Variants in ITGAL observed in about 807,000 individuals in gnomAD.
The protein encoded by ITGAL is integrin subunit alpha L.
ITGAL carries 68 observed loss-of-function variants against 138.4 expected under a neutral mutation model. That is an observed-to-expected ratio of 0.49 (90% CI 0.40 to 0.60). The LOEUF is 0.60. Among genes scored for constraint, ITGAL ranks in the 20% least tolerant of loss-of-function variants. The probability of loss-of-function intolerance (pLI) is 0.00; values close to 1 mark genes in which losing one functional copy is unlikely to be tolerated. For missense variants in ITGAL, 1,256 were observed against 1,478.6 expected (o/e 0.85, Z 2.47); for synonymous variants, 561 against 584.3 (o/e 0.96, Z 0.57).
intron 24 of ITGAL, among the ~76,000 whole-genome samples, chr16:30,513,360 C>T (rs1242178838): frequency 6.6e-6 from 1 of 152,200 alleles, no homozygotes; most frequent in Non-Finnish European, 1.5e-5. Context: ...TTGGCCAATG[C>T]TGAGCAGGTG....
At chr16:30,520,040 G>C (rs1465046964) in intron 30 of ITGAL, 73 bp downstream of exon 30, 1 of 1,154,668 alleles carries the variant, frequency 8.7e-7, no homozygotes, top group African/African-American at 1.5e-5. Flanking sequence ...GGGAGCCAGG[G>C]AGGAGAATAC....
chr16:30,494,384 T>C lies in ITGAL; in HGVS notation c.1365+21T>C. The C allele has an allele frequency of 1.3e-6, 2 of 1,582,322 alleles. No individual in the cohort carries two copies. Among genetic ancestry groups the C allele is most frequent in the Non-Finnish European group, 1.7e-6 (2 of 1,158,668 alleles). Reference sequence around the variant, plus strand: ...CCCAGGTGCGCCCAGTCCGAGGGCATCTGCAGACCAGGGACTGGCGGGACA... The same window carrying C: ...CCCAGGTGCGCCCAGTCCGAGGGCACCTGCAGACCAGGGACTGGCGGGACA... On this transcript the variant is annotated intron_variant, in intron 12 of 30. Transcript: ENST00000356798. This position sits in a 1 kb window ranked among gnomAD's most constrained non-coding sequence, Gnocchi z 4.2.
intron 15 of ITGAL, among the ~76,000 whole-genome samples, chr16:30,497,573 T>C (rs1306023937): frequency 2.0e-5 from 3 of 150,826 alleles, no homozygotes; most frequent in African/African-American, 4.9e-5. Context: ...ACCTCCTGGG[T>C]TCAAGCGATT....
Position 30,499,194 on chromosome 16 carries a change from A to C in ITGAL, c.1953A>C (p.Thr651=). Residue 651 remains threonine (T), a synonymous_variant, in exon 16 of 31, where the codon ACA becomes ACC. Transcript: ENST00000356798. ...AGATGAAAGAAGGAGTTAATATCAC[A>C]ATCTGTTTCCAGATCAAGTCTCTCA... ...SNKMKEGVNI[T]ICFQIKSLIP... 1 of 1,614,180 alleles carries C rather than the reference A, an allele frequency of 6.2e-7. No individual in the cohort carries two copies. The highest frequency in any genetic ancestry group is 8.5e-7 in the Non-Finnish European group (1 of 1,180,036).
intron 17 of ITGAL, among the ~76,000 whole-genome samples, chr16:30,503,422 C>A (rs188355020): frequency 6.7e-6 from 1 of 148,842 alleles, no homozygotes; most frequent in Non-Finnish European, 1.5e-5. Context: ...AACTGTGCCA[C>A]CTTTTTAGTT....
At chr16:30,475,701 T>C in intron 4 of ITGAL, 121 bp downstream of exon 4, 1 of 716,880 alleles carries the variant, frequency 1.4e-6, no homozygotes. Context: ...TCAGAGTCAA[T>C]TAGTGTTTAT....
Position 30,472,848 on chromosome 16 carries a change from C to T in ITGAL, c.11C>T (p.Ser4Phe), listed in dbSNP as rs2050413535. 1.2e-6 allele frequency: 2 copies of T among 1,612,862 alleles called. No individual in the cohort carries two copies. Among genetic ancestry groups the T allele is most frequent in the Non-Finnish European group, 1.7e-6 (2 of 1,179,770 alleles). The change falls in exon 1 of 31, where the codon TCC (serine) becomes TTC (phenylalanine). Residue 4 changes from serine (S) to phenylalanine (F), a missense_variant. Ser to Phe is a radical substitution (Grantham distance 155, BLOSUM62 -2). This residue lies in a region of ITGAL where 212 missense variants were observed against 217.4 expected (regional missense o/e 0.98). Transcript: ENST00000356798. Reference sequence around the variant, plus strand: ...TCGAGTGCTGGAAGGATGAAGGATTCCTGCATCACTGTGATGGCCATGGCG... The same window carrying T: ...TCGAGTGCTGGAAGGATGAAGGATTTCTGCATCACTGTGATGGCCATGGCG... The part of the protein sequence containing the change: MKD[S>F]CITVMAMALL...
At chr16:30,504,404 G>C in intron 18 of ITGAL, 140 bp downstream of exon 18, 1 of 666,454 alleles carries the variant, frequency 1.5e-6, no homozygotes, top group Non-Finnish European at 2.7e-6. Context: ...TTAAGGTCAG[G>C]GGTTCAGGAC....
chr16:30,475,218 A>G, intron 2 of ITGAL, 88 bp from the exon 3 acceptor site: 1 of 935,488 alleles, frequency 1.1e-6, no homozygotes, highest in Admixed American at 2.1e-5. Flanking sequence ...TGGAGAAATG[A>G]GACAGGAGAT....
intron 25 of ITGAL, among the ~76,000 whole-genome samples, chr16:30,514,621 G>C (rs1221513808): frequency 6.6e-6 from 1 of 150,728 alleles, no homozygotes; most frequent in African/African-American, 2.4e-5. Flanking sequence ...GCGGAGTTTT[G>C]CCCTGTAGGC....
intron 15 of ITGAL, among the ~76,000 whole-genome samples, chr16:30,498,141 C>G (rs1363255635): frequency 2.7e-5 from 4 of 150,932 alleles, no homozygotes; most frequent in Non-Finnish European, 5.9e-5. Flanking sequence ...CCTGGCCAAC[C>G]TGTTGAAACC....
At chr16:30,493,720 T>A (rs1473177936) in intron 11 of ITGAL, among the ~76,000 whole-genome samples, 1 of 152,102 alleles carries the variant, frequency 6.6e-6, no homozygotes, top group Non-Finnish European at 1.5e-5. Flanking sequence ...CAAAACCCTG[T>A]TTCTACTAAA....
At chr16:30,490,969 CAA>C (rs111825062) in intron 11 of ITGAL, among the ~76,000 whole-genome samples, 16 of 105,950 alleles carry the variant, frequency 1.5e-4, no homozygotes, top group Admixed American at 3.2e-4. Flanking sequence ...GACTTTGTCT[CAA>C]AAAAAAAAAA....
intron 24 of ITGAL, among the ~76,000 whole-genome samples, chr16:30,511,948 G>A (rs1194975100): frequency 6.6e-5 from 10 of 152,180 alleles, no homozygotes; most frequent in Admixed American, 6.6e-4. Context: ...TAATGTTAAG[G>A]GTAGGGGGAA....
chr16:30,475,390 C>A lies in ITGAL; in HGVS notation c.249C>A (p.Val83=). 6.2e-7 allele frequency: 1 copy of A among 1,613,384 alleles called. No individual in the cohort carries two copies. The highest frequency in any genetic ancestry group is 1.1e-5 in the South Asian group (1 of 91,034). The change falls in exon 3 of 31, where the codon GTC becomes GTA. Residue 83 remains valine (V), a synonymous_variant. Transcript: ENST00000356798. ...CGGGCACAGGACACTGCCTGCCAGT[C>A]ACCCTGAGAGGTGAGTAACTGGGGG... The part of the protein sequence containing the change: ...CQSGTGHCLP[V]TLRGSNYTSK...
chr16:30,517,185 T>A, intron 26 of ITGAL, 99 bp downstream of exon 26: 1 of 776,712 alleles, frequency 1.3e-6, no homozygotes, highest in South Asian at 1.7e-5. Flanking sequence ...GTGCGGTGGC[T>A]CTGCCTCCCA....
At chr16:30,473,711 A>G (rs1165378199) in intron 1 of ITGAL, among the ~76,000 whole-genome samples, 2 of 152,124 alleles carry the variant, frequency 1.3e-5, no homozygotes, top group Admixed American at 6.5e-5. Context: ...TGGGATCTAC[A>G]GATGCTCCGA....
In ITGAL at chr16:30,479,076, C is replaced by T; in HGVS notation, c.328-15C>T. 2.5e-6 allele frequency: 4 copies of T among 1,606,580 alleles called. No homozygotes were observed. In the African/African-American group the frequency reaches 4.0e-5, roughly 16 times the overall value. On this transcript the variant is annotated splice_polypyrimidine_tract_variant and intron_variant, in intron 4 of 30. Transcript: ENST00000356798. ...CAAATAGGAGACCCAAATCTTTGGC[C>T]TTTGCTTTCTTTAGGCCTGTGACCC...
chr16:30,481,369 A>ACC, intron 6 of ITGAL, 70 bp from the exon 7 acceptor site: 2 of 888,364 alleles, frequency 2.3e-6, no homozygotes, highest in Non-Finnish European at 3.3e-6. Flanking sequence ...AAAAAAAAAG[A>ACC]AGTAGAGTTT....
Sources: allele counts gnomAD v4.1 joint callset (sites outside exome capture counted in the v4.1 genomes callset), GRCh38; gene constraint gnomAD v4.1.1; regional missense constraint gnomAD v4.1.1; non-coding constraint Gnocchi (gnomAD v3.1); transcripts MANE v1.5; gene names NCBI Gene and HGNC (gene_info 2026-07-23, HGNC 2026-07-21).